TGS1: variants seen among roughly 807,000 people sequenced by gnomAD.
TGS1 encodes trimethylguanosine synthase.
In TGS1, 69 loss-of-function variants were observed where a neutral mutation model predicts 92.2. The observed-to-expected ratio is 0.75, with a 90% CI of 0.62 to 0.91. The LOEUF is 0.91. Ranked by LOEUF, TGS1 falls within the 40% of genes least tolerant of loss-of-function variation. TGS1 has a pLI of 0.00. For synonymous variants in TGS1, 345 were observed against 338.1 expected (o/e 1.02, Z -0.22); for missense variants, 1,062 against 1,001.2 (o/e 1.06, Z -0.82).
Position 55,782,950 on chromosome 8 carries a change from TTTTTA to T in TGS1, c.166+143_166+147del, listed in dbSNP as rs1408050167. On this transcript the variant is annotated intron_variant, in intron 2 of 12. Coordinates refer to ENST00000260129, the MANE Select transcript of TGS1 (RefSeq NM_024831.8). ...GCCAAATAATTCTGTAATCAGACAA[TTTTTA>T]TTTTCTTTTATAACATGGTTCTGGA... 3 of 611,532 alleles carry T rather than the reference TTTTTA, an allele frequency of 4.9e-6. No homozygotes were observed. The East Asian group carries it at 9.1e-5, about 19-fold the overall frequency. The allele number at this position is 611,532 out of a possible 1,614,324, so 37.9% of individuals were successfully genotyped here.
chr8:55,818,710 T>C (rs989595107), intron 12 of TGS1, among the ~76,000 whole-genome samples: 2 of 152,352 alleles, frequency 1.3e-5, no homozygotes, highest in Admixed American at 6.5e-5. Context: ...CTTCTAAATA[T>C]AGCTTGTATC....
intron 10 of TGS1, among the ~76,000 whole-genome samples, chr8:55,810,327 T>C (rs1034443584): frequency 6.6e-6 from 1 of 152,266 alleles, no homozygotes; most frequent in Non-Finnish European, 1.5e-5. Flanking sequence ...TAATATCTGT[T>C]TCCTCTACCT....
At chr8:55,793,777 T>TA (rs200048918) in intron 6 of TGS1, among the ~76,000 whole-genome samples, 6 of 147,352 alleles carry the variant, frequency 4.1e-5, no homozygotes, top group Admixed American at 2.0e-4. Flanking sequence ...TTTATTTATT[T>TA]TTTAATTTTT....
chr8:55,803,898 G>A (rs1812290753), intron 9 of TGS1, among the ~76,000 whole-genome samples: 1 of 151,870 alleles, frequency 6.6e-6, no homozygotes. Context: ...TGCCCAGGCT[G>A]CTCTCAAACT....
At chr8:55,820,895 A>G (rs1803618198) in intron 12 of TGS1, among the ~76,000 whole-genome samples, 1 of 152,256 alleles carries the variant, frequency 6.6e-6, no homozygotes, top group East Asian at 1.9e-4. Context: ...ATTCTAAGAA[A>G]GCGGAGGGAA....
intron 4 of TGS1, among the ~76,000 whole-genome samples, chr8:55,787,903 G>C (rs1455051652): frequency 1.3e-5 from 2 of 152,186 alleles, no homozygotes; most frequent in East Asian, 1.9e-4. Context: ...GCAAGAGAGA[G>C]GGGGGAGGTC....
At position 55,802,547 on chromosome 8, in the gene TGS1, A is replaced by G. The variant is rs781415881; in HGVS notation, c.1940A>G (p.Tyr647Cys). The change falls in exon 9 of 13, where the codon TAC becomes TGC. Residue 647 changes from tyrosine (Y) to cysteine (C), a missense_variant. Tyr to Cys is a radical substitution (Grantham distance 194). Transcript: ENST00000260129. ...GCTGCTGTTCCTGAGCTGGCAAAATACTGGGCCCAGAGGTACAGGCTCTTC... is the reference window on the plus strand; with the variant it reads ...GCTGCTGTTCCTGAGCTGGCAAAATGCTGGGCCCAGAGGTACAGGCTCTTC... ...EIAAVPELAK[Y>C]WAQRYRLFSR... 1.2e-6 allele frequency: 2 copies of G among 1,614,150 alleles called. No individual in the cohort carries two copies. The highest frequency in any genetic ancestry group is 2.2e-5 in the South Asian group (2 of 91,084).
At chr8:55,778,248 C>T (rs750150984) in intron 1 of TGS1, among the ~76,000 whole-genome samples, 3 of 151,814 alleles carry the variant, frequency 2.0e-5, no homozygotes, top group Non-Finnish European at 4.4e-5. Context: ...GAATGAGACC[C>T]TGTCTCAGAG....
At chr8:55,790,331 G>A (rs752495709) in intron 5 of TGS1, 32 bp downstream of exon 5, 95 of 1,432,284 alleles carry the variant, frequency 6.6e-5, no homozygotes, top group South Asian at 3.3e-4. Flanking sequence ...TCACCAGAGC[G>A]TGTTAGAGTA....
chr8:55,799,385 A>G (rs1350735533), intron 8 of TGS1, among the ~76,000 whole-genome samples, 165 bp downstream of exon 8: 1 of 152,170 alleles, frequency 6.6e-6, no homozygotes, highest in Non-Finnish European at 1.5e-5. Context: ...CTAACTGGCT[A>G]TGACTTAGCA....
At chr8:55,785,497 C>G (rs1811682433) in intron 2 of TGS1, among the ~76,000 whole-genome samples, 1 of 152,032 alleles carries the variant, frequency 6.6e-6, no homozygotes, top group African/African-American at 2.4e-5. Context: ...CCCGGGAGTT[C>G]AGAGCTTTTT....
intron 1 of TGS1, 150 bp downstream of exon 1, chr8:55,773,869 A>C: frequency 1.6e-6 from 1 of 624,548 alleles, no homozygotes; most frequent in Non-Finnish European, 2.8e-6. Context: ...AAACCCTCAG[A>C]CATGACGGAG....
At chr8:55,806,121 C>T (rs1034184898) in intron 10 of TGS1, among the ~76,000 whole-genome samples, 13 of 151,338 alleles carry the variant, frequency 8.6e-5, no homozygotes, top group South Asian at 2.1e-4. Flanking sequence ...TTTAGGAGGC[C>T]GAGGCAGGCT....
intron 11 of TGS1, among the ~76,000 whole-genome samples, chr8:55,811,543 C>CG (rs941899470): frequency 3.0e-4 from 45 of 151,206 alleles, no homozygotes; most frequent in Middle Eastern, 6.9e-3. Flanking sequence ...AGGTGGATCA[C>CG]GAGGTCAGGA....
intron 12 of TGS1, among the ~76,000 whole-genome samples, chr8:55,816,608 C>T (rs1014842913): frequency 1.3e-5 from 2 of 152,114 alleles, no homozygotes; most frequent in African/African-American, 4.8e-5. Context: ...AGCAGGGCAA[C>T]ATTAAGCAAC....
chr8:55,803,074 C>T (rs1344795431), intron 9 of TGS1, among the ~76,000 whole-genome samples: 1 of 151,690 alleles, frequency 6.6e-6, no homozygotes, highest in Non-Finnish European at 1.5e-5. Context: ...TCATGACTGA[C>T]ATTTTTCAAA....
chr8:55,805,995 G>C (rs1812357744), intron 10 of TGS1, among the ~76,000 whole-genome samples: 1 of 151,816 alleles, frequency 6.6e-6, no homozygotes, highest in Admixed American at 6.6e-5. Context: ...GAAATTGCAG[G>C]CTGCAGTGAG....
At position 55,814,740 on chromosome 8, in the gene TGS1, C is replaced by T. The variant is rs185348870; in HGVS notation, c.2439+1622C>T. On this transcript the variant is annotated intron_variant, in intron 12 of 12. Transcript: ENST00000260129. ...ACAAATTAGCCGGGCATGGTGGCGG[C>T]GTGCCTGTAATCCCAGCTACTCGGG... 3.3e-3 allele frequency among the ~76,000 whole-genome samples: 490 copies of T among 146,532 alleles called. 3 individuals carry two copies. Among genetic ancestry groups the T allele is most frequent in the East Asian group, 0.029 (145 of 5,038 alleles).
At chr8:55,821,124 A>G (rs1042930730) in intron 12 of TGS1, among the ~76,000 whole-genome samples, 2 of 152,236 alleles carry the variant, frequency 1.3e-5, no homozygotes, top group Admixed American at 1.3e-4. Flanking sequence ...TAATCAGAAC[A>G]CTTGAAAGTA....
Sources: allele counts gnomAD v4.1 joint callset (sites outside exome capture counted in the v4.1 genomes callset), GRCh38; gene constraint gnomAD v4.1.1; transcripts MANE v1.5; gene names NCBI Gene and HGNC (gene_info 2026-07-23, HGNC 2026-07-21).